GTF2IRD2: variants seen among roughly 807,000 people sequenced by gnomAD.
GTF2IRD2 encodes the protein GTF2I repeat domain containing 2.
A neutral mutation model predicts 49.2 loss-of-function variants in GTF2IRD2; 8 were observed. The observed-to-expected ratio is 0.16, with a 90% CI of 0.10 to 0.29. The LOEUF is 0.29. Ranked by LOEUF, GTF2IRD2 falls within the 10% of genes least tolerant of loss-of-function variation. The pLI, the probability that GTF2IRD2 is intolerant of heterozygous loss-of-function variation, is 1.00. For synonymous variants in GTF2IRD2, 47 were observed against 289.7 expected, an observed-to-expected ratio of 0.16 and a Z score of 8.51; for missense variants, 130 against 725.7, an observed-to-expected ratio of 0.18 and a Z score of 9.43.
At chr7:74,829,658 G>A (rs1320092087) in intron 3 of GTF2IRD2, among the ~76,000 whole-genome samples, 5 of 147,762 alleles carry the variant, frequency 3.4e-5, no homozygotes, top group East Asian at 4.0e-4. Flanking sequence ...GAGGAGGGTG[G>A]ATCACGAGGT....
chr7:74,830,311 T>G (rs1799739234), intron 3 of GTF2IRD2, among the ~76,000 whole-genome samples: 5 of 140,426 alleles, frequency 3.6e-5, no homozygotes, highest in African/African-American at 1.3e-4. Flanking sequence ...AAGACCAGGC[T>G]GGACAGCATG....
At position 74,819,070 on chromosome 7, in the gene GTF2IRD2, G is replaced by A. The variant is rs1295271373; in HGVS notation, c.670+484C>T. ...CTCCCAAGTAGCTGGGACTACAGGC[G>A]CACACGAACATGCCCAGCTAATTTT... On this transcript the variant is annotated intron_variant, in intron 8 of 15. Coordinates refer to ENST00000451013, the MANE Select transcript of GTF2IRD2 (RefSeq NM_173537.5). 24 of 185,840 alleles carry A rather than the reference G, an allele frequency of 1.3e-4. 1 individual carries two copies. Among genetic ancestry groups the A allele is most frequent in the Admixed American group, 1.0e-3 (19 of 18,274 alleles). The allele number at this position is 185,840 out of a possible 1,614,324, so 11.5% of individuals were successfully genotyped here.
Position 74,822,830 on chromosome 7 carries a change from T to C in GTF2IRD2, c.359-23A>G, listed in dbSNP as rs782552250. Reference sequence around the variant, plus strand: ...TACCTACAAGAAGACGCAAACGTCTTTGGATGGTGTGAACCTAACGTTCTA... The same window carrying C: ...TACCTACAAGAAGACGCAAACGTCTCTGGATGGTGTGAACCTAACGTTCTA... On this transcript the variant is annotated intron_variant, in intron 4 of 15. Coordinates refer to ENST00000451013, the MANE Select transcript of GTF2IRD2 (RefSeq NM_173537.5). 4.5e-5 allele frequency: 69 copies of C among 1,549,132 alleles called. 1 individual carries two copies. Among genetic ancestry groups the C allele is most frequent in the Non-Finnish European group, 5.5e-5 (64 of 1,154,480 alleles).
chr7:74,809,903 C>T (rs1454756360), intron 10 of GTF2IRD2, among the ~76,000 whole-genome samples: 4 of 68,402 alleles, frequency 5.8e-5, no homozygotes, highest in African/African-American at 1.4e-4. Context: ...AAGCAATCCT[C>T]GTGCCTCAGC....
chr7:74,836,160 G>A, intron 2 of GTF2IRD2, 120 bp downstream of exon 2: 1 of 1,190,924 alleles, frequency 8.4e-7, no homozygotes, highest in Non-Finnish European at 1.2e-6. Context: ...GACAGAGTGA[G>A]ACTCTGTCTT....
At chr7:74,820,060 TA>T in intron 6 of GTF2IRD2, 37 bp from the exon 7 acceptor site, 1 of 1,430,472 alleles carries the variant, frequency 7.0e-7, no homozygotes, top group African/African-American at 1.5e-5. Flanking sequence ...CAGCCCCTTT[TA>T]GCACCTCGGA....
intron 9 of GTF2IRD2, among the ~76,000 whole-genome samples, 194 bp downstream of exon 9, chr7:74,812,541 AAAAC>A (rs1798224991): frequency 1.2e-5 from 1 of 81,062 alleles, no homozygotes; most frequent in African/African-American, 2.9e-5. Context: ...TCTCTGTAAA[AAAAC>A]AAACAAAAGA....
rs1356827164 is a variant in GTF2IRD2, at chr7:74,796,306, T to C, written c.*356A>G. 3.0e-6 allele frequency: 1 copy of C among 331,024 alleles called. No homozygotes were observed. Among genetic ancestry groups the C allele is most frequent in the African/African-American group, 2.2e-5 (1 of 45,968 alleles). 20.5% of individuals were successfully genotyped at this position (331,024 alleles called of 1,614,324 possible). Reference sequence around the variant, plus strand: ...TCAGCTGGGCACAGTGGTTCATGCCTGTAATCCCAGCACTTTGTGAGGTCG... The same window carrying C: ...TCAGCTGGGCACAGTGGTTCATGCCCGTAATCCCAGCACTTTGTGAGGTCG... On this transcript the variant is annotated 3_prime_UTR_variant, in exon 16 of 16. Transcript: ENST00000451013.
At position 74,798,106 on chromosome 7, in the gene GTF2IRD2, T is replaced by C. The variant is rs371968894; in HGVS notation, c.1406A>G (p.Asn469Ser). 5 of 1,600,706 alleles carry C rather than the reference T, an allele frequency of 3.1e-6. No homozygotes were observed. The highest frequency in any genetic ancestry group is 3.4e-6 in the Non-Finnish European group (4 of 1,175,828). Residue 469 changes from asparagine (N) to serine (S), a missense_variant, in exon 16 of 16, where the codon AAT (asparagine) becomes AGT (serine). Transcript: ENST00000451013. ...EYNLRRHYQT[N>S]HSKHYDQYME... ...ATACTGGTCATAATGCTTGCTGTGA[T>C]TGGTTTGATAGTGGCGTCTTAGGTT...
chr7:74,829,846 C>T (rs1259882988), intron 3 of GTF2IRD2, among the ~76,000 whole-genome samples: 9 of 148,204 alleles, frequency 6.1e-5, no homozygotes, highest in Non-Finnish European at 1.0e-4. Flanking sequence ...CGAGATCTCT[C>T]CACTGCACTC....
At chr7:74,844,784 C>T (rs1253503647) in intron 1 of GTF2IRD2, among the ~76,000 whole-genome samples, 2 of 52,946 alleles carry the variant, frequency 3.8e-5, no homozygotes, top group Non-Finnish European at 7.8e-5. Context: ...CCATCCCGGG[C>T]TCAAGCAATC....
intron 6 of GTF2IRD2, 86 bp downstream of exon 6, chr7:74,822,341 C>A: frequency 1.5e-6 from 1 of 673,226 alleles, no homozygotes; most frequent in East Asian, 2.7e-5. Context: ...TGAGCCATCA[C>A]GCCCGGCCCC....
At chr7:74,822,241 G>A (rs1207264551) in intron 6 of GTF2IRD2, 186 bp downstream of exon 6, 14 of 670,050 alleles carry the variant, frequency 2.1e-5, no homozygotes, top group Non-Finnish European at 3.3e-5. Flanking sequence ...AGTACAGACT[G>A]GGCTTCACCG....
intron 3 of GTF2IRD2, among the ~76,000 whole-genome samples, chr7:74,826,807 G>A (rs1554419766): frequency 7.5e-6 from 1 of 132,516 alleles, no homozygotes; most frequent in Non-Finnish European, 1.5e-5. Flanking sequence ...TGCCTCCCGG[G>A]TTCAAGCAAT....
At chr7:74,842,386 T>C (rs1304300678) in intron 1 of GTF2IRD2, among the ~76,000 whole-genome samples, 1 of 131,562 alleles carries the variant, frequency 7.6e-6, no homozygotes, top group East Asian at 2.3e-4. Flanking sequence ...TGCACCACCA[T>C]GCCCAGCTAA....
intron 3 of GTF2IRD2, among the ~76,000 whole-genome samples, chr7:74,826,300 C>T (rs1192451711): frequency 6.6e-6 from 1 of 151,776 alleles, no homozygotes; most frequent in South Asian, 2.1e-4. Flanking sequence ...CACTCTGTCG[C>T]CTAGGCTGGA....
At chr7:74,799,921 C>CAAA (rs1160840166) in intron 15 of GTF2IRD2, among the ~76,000 whole-genome samples, 141 of 13,870 alleles carry the variant, frequency 0.01, 1 homozygote, top group African/African-American at 0.021. Context: ...CCTGTCTCTA[C>CAAA]AAAAAAAAAA....
In GTF2IRD2 at chr7:74,797,754, C is replaced by T. The variant is rs372463997; in HGVS notation, c.1758G>A (p.Met586Ile). 1.2e-6 allele frequency: 2 copies of T among 1,602,950 alleles called. No homozygotes were observed. The highest frequency in any genetic ancestry group is 1.7e-6 in the Non-Finnish European group (2 of 1,176,622). ...TCTCGTTGCCAGATTTTGTACCCGT[C>T]ATGGGCACCGTGTCCAGAAGTTCTT... ...VSEELLDTVP[M>I]TGTKSGNEIF... The change falls in exon 16 of 16, where the codon ATG becomes ATA. Residue 586 changes from methionine (M) to isoleucine (I), a missense_variant. Coordinates refer to ENST00000451013, the MANE Select transcript of GTF2IRD2 (RefSeq NM_173537.5).
At chr7:74,841,980 C>T (rs1372548996) in intron 1 of GTF2IRD2, among the ~76,000 whole-genome samples, 4 of 133,738 alleles carry the variant, frequency 3.0e-5, no homozygotes, top group East Asian at 2.2e-4. Context: ...AAAAATTAGC[C>T]GGGCATGGTG....
Sources: gnomAD v4.1 joint callset for allele counts (sites outside exome capture counted in the v4.1 genomes callset) on GRCh38, gnomAD v4.1.1 for gene constraint, MANE v1.5 for transcripts, NCBI Gene and HGNC (gene_info 2026-07-23, HGNC 2026-07-21) for gene names.